CYP2C19: variants seen among roughly 807,000 people sequenced by gnomAD.
CYP2C19 encodes cytochrome P450 2C19.
Under a neutral mutation model 40.9 loss-of-function variants are expected in CYP2C19, and 59 were observed. The observed-to-expected ratio is 1.44, with a 90% confidence interval of 1.17 to 1.79. The LOEUF is 1.79. CYP2C19 is among the 40% of genes most tolerant of loss of function. CYP2C19 has a pLI of 0.00. For missense variants in CYP2C19, 754 were observed against 596.9 expected, an observed-to-expected ratio of 1.26 and a Z score of -2.74; for synonymous variants, 253 against 208.7, an observed-to-expected ratio of 1.21 and a Z score of -1.83.
chr10:94,771,486 A>G (rs1040824096), intron 1 of CYP2C19, among the ~76,000 whole-genome samples: 2 of 152,098 alleles, frequency 1.3e-5, no homozygotes, highest in African/African-American at 4.8e-5. Flanking sequence ...TAGCATTGTA[A>G]TTTATACTTC....
rs1452305084 is a variant in CYP2C19 at position 94,825,201 on chromosome 10, T to G, written c.961+4564T>G. On this transcript the variant is annotated intron_variant, in intron 6 of 8. Coordinates refer to ENST00000371321, the MANE Select transcript of CYP2C19 (RefSeq NM_000769.4). ...ATGGGATGGCTGGGTCAAATGGTAT[T>G]TCCAGTTCTAGATCCCTGAGGAATC... Among the ~76,000 whole-genome samples the G allele has an allele frequency of 2.1e-5, 3 of 144,428 alleles. No individual in the cohort carries two copies. In the East Asian group the frequency reaches 6.1e-4, roughly 29 times the overall value. 94.8% of individuals were successfully genotyped at this position (144,428 alleles called of 152,430 possible).
rs1284149566 is a variant in CYP2C19, at chr10:94,842,914, TAC to T, written c.1043_1044del (p.Thr348ArgfsTer25). On this transcript the variant is annotated frameshift_variant, in exon 7 of 9. Coordinates refer to ENST00000371321, the MANE Select transcript of CYP2C19 (RefSeq NM_000769.4). LOFTEE classifies it high-confidence loss of function. ...CATGCAGGACAGGGGCCACATGCCC[TAC>T]ACAGATGCTGTGGTGCACGAGGTCC... ...PCMQDRGHMP[Y>X]TDAVVHEVQR... 2 of 1,614,188 alleles carry T rather than the reference TAC, an allele frequency of 1.2e-6. No individual in the cohort carries two copies. Among genetic ancestry groups the T allele is most frequent in the South Asian group, 2.2e-5 (2 of 91,086 alleles).
chr10:94,782,552 C>T (rs1241258233), intron 5 of CYP2C19, among the ~76,000 whole-genome samples: 1 of 152,104 alleles, frequency 6.6e-6, no homozygotes, highest in Non-Finnish European at 1.5e-5. Context: ...GGCAGTGTGG[C>T]AATTCCTCAA....
At chr10:94,780,218 A>T (rs1444096834) in intron 3 of CYP2C19, among the ~76,000 whole-genome samples, 1 of 151,502 alleles carries the variant, frequency 6.6e-6, no homozygotes, top group African/African-American at 2.4e-5. Flanking sequence ...TTTCTAAAAA[A>T]GTCTCTTTTT....
At chr10:94,824,356 G>C (rs565408069) in intron 6 of CYP2C19, among the ~76,000 whole-genome samples, 74 of 152,130 alleles carry the variant, frequency 4.9e-4, no homozygotes, top group Admixed American at 6.5e-4. Context: ...TCTACAAAAA[G>C]ATAAGTAAGA....
intron 6 of CYP2C19, among the ~76,000 whole-genome samples, chr10:94,828,256 A>T (rs1044250544): frequency 6.6e-6 from 1 of 151,002 alleles, no homozygotes; most frequent in African/African-American, 2.4e-5. Context: ...TAATGTTGAC[A>T]GTGGGGTGTT....
intron 1 of CYP2C19, 71 bp from the exon 2 acceptor site, chr10:94,774,987 A>T: frequency 2.7e-6 from 4 of 1,492,318 alleles, no homozygotes; most frequent in Non-Finnish European, 3.7e-6. Context: ...TGAAAATATG[A>T]ATCTAAGTCA....
intron 6 of CYP2C19, among the ~76,000 whole-genome samples, chr10:94,830,632 G>C (rs1451652918): frequency 6.6e-6 from 1 of 152,162 alleles, no homozygotes; most frequent in Non-Finnish European, 1.5e-5. Flanking sequence ...CACTCATGCT[G>C]GGAGCTGTAG....
intron 1 of CYP2C19, among the ~76,000 whole-genome samples, chr10:94,772,643 C>T (rs1200940719): frequency 6.6e-6 from 1 of 152,178 alleles, no homozygotes; most frequent in Non-Finnish European, 1.5e-5. Flanking sequence ...ACCCTTGGCG[C>T]AGCCCAGAAA....
At chr10:94,777,208 T>A (rs967910514) in intron 3 of CYP2C19, among the ~76,000 whole-genome samples, 1 of 152,144 alleles carries the variant, frequency 6.6e-6, no homozygotes, top group African/African-American at 2.4e-5. Flanking sequence ...ATCAATATTG[T>A]GAAAATGGCC....
At chr10:94,821,313 G>T (rs1218075873) in intron 6 of CYP2C19, among the ~76,000 whole-genome samples, 2 of 152,130 alleles carry the variant, frequency 1.3e-5, no homozygotes, top group Non-Finnish European at 2.9e-5. Flanking sequence ...AACAGCAAGT[G>T]TATTGTTAAA....
At chr10:94,833,449 T>C (rs1181760141) in intron 6 of CYP2C19, among the ~76,000 whole-genome samples, 1 of 152,060 alleles carries the variant, frequency 6.6e-6, no homozygotes, top group Non-Finnish European at 1.5e-5. Context: ...AAGTGTTTTT[T>C]TTTCTTTTTT....
At chr10:94,841,733 T>C (rs191067829) in intron 6 of CYP2C19, among the ~76,000 whole-genome samples, 1 of 152,354 alleles carries the variant, frequency 6.6e-6, no homozygotes, top group East Asian at 1.9e-4. Context: ...ATTTCCTTTT[T>C]AATCTCTTCA....
At chr10:94,851,496 A>C (rs1235090912) in intron 8 of CYP2C19, among the ~76,000 whole-genome samples, 1 of 151,612 alleles carries the variant, frequency 6.6e-6, no homozygotes, top group Non-Finnish European at 1.5e-5. Context: ...ATAAATAAGA[A>C]ATAAGAAATT....
chr10:94,800,246 T>C (rs1265067583), intron 5 of CYP2C19, among the ~76,000 whole-genome samples: 1 of 152,240 alleles, frequency 6.6e-6, no homozygotes, highest in Non-Finnish European at 1.5e-5. Context: ...TAGTTTTTCT[T>C]CTAACCATCA....
At chr10:94,842,686 C>A (rs1039258665) in intron 6 of CYP2C19, 151 bp from the exon 7 acceptor site, 40 of 883,600 alleles carry the variant, frequency 4.5e-5, no homozygotes, top group Middle Eastern at 2.2e-4. Flanking sequence ...CTGTAGCAGT[C>A]CTCTCTTTAA....
chr10:94,841,728 C>T (rs1849498131), intron 6 of CYP2C19, among the ~76,000 whole-genome samples: 1 of 152,004 alleles, frequency 6.6e-6, no homozygotes, highest in African/African-American at 2.4e-5. Context: ...TCTGAATTTC[C>T]TTTTTAATCT....
rs1263312877 is a variant in CYP2C19, at chr10:94,855,406, C to G, written c.*2492C>G. Among the ~76,000 whole-genome samples, 1 of 152,198 alleles carries G rather than the reference C, an allele frequency of 6.6e-6. No individual in the cohort carries two copies. On this transcript the variant is annotated 3_prime_UTR_variant, in exon 9 of 9. Coordinates refer to ENST00000371321, the MANE Select transcript of CYP2C19 (RefSeq NM_000769.4). ...GAAGTTGCTAACAACTTTGCTAATT[C>G]TCTGCATTTATTTTTATTGTTTGTA...
Position 94,852,902 on chromosome 10 carries a change from CA to C in CYP2C19, c.1462del (p.Ile488PhefsTer46). ...TCCCGCCCTTCTATCAGCTGTGCTT[CA>C]TTCCTGTCTGAAGAAGCACAGATGG... Reference protein sequence around the residue: ...SVPPFYQLCFIPV With the variant: ...SVPPFYQLCFXPV On this transcript the variant is annotated frameshift_variant, in exon 9 of 9. Coordinates refer to ENST00000371321, the MANE Select transcript of CYP2C19 (RefSeq NM_000769.4). LOFTEE classifies it high-confidence loss of function. 1 of 1,613,994 alleles carries C rather than the reference CA, an allele frequency of 6.2e-7. No individual in the cohort carries two copies. Among genetic ancestry groups the C allele is most frequent in the Non-Finnish European group, 8.5e-7 (1 of 1,179,930 alleles).
Sources: gnomAD v4.1 joint callset for allele counts (sites outside exome capture counted in the v4.1 genomes callset) on GRCh38, gnomAD v4.1.1 for gene constraint, MANE v1.5 for transcripts, NCBI Gene and HGNC (gene_info 2026-07-23, HGNC 2026-07-21) for gene names.